The following OR51E2 variants were observed in gnomAD, a reference collection of about 807,000 sequenced individuals.
OR51E2 encodes the protein olfactory receptor 51E2.
Under a neutral mutation model 13.7 loss-of-function variants are expected in OR51E2, and 14 were observed. That is an observed-to-expected ratio of 1.02 (90% CI 0.68 to 1.60). OR51E2 has a LOEUF of 1.60. Ranked by LOEUF, OR51E2 falls within the 40% of genes most tolerant of loss-of-function variation. The probability of loss-of-function intolerance (pLI) is 0.00; values close to 1 mark genes in which losing one functional copy is unlikely to be tolerated. For missense variants in OR51E2, 483 were observed against 413.8 expected, an observed-to-expected ratio of 1.17 and a Z score of -1.45; for synonymous variants, 180 against 157.6, an observed-to-expected ratio of 1.14 and a Z score of -1.07.
intron 1 of OR51E2, among the ~76,000 whole-genome samples, chr11:4,687,129 C>T (rs1174093401): frequency 2.0e-5 from 3 of 152,104 alleles, no homozygotes; most frequent in African/African-American, 7.2e-5. Flanking sequence ...GTCTGTAGGC[C>T]TGTATCATCT....
intron 1 of OR51E2, among the ~76,000 whole-genome samples, chr11:4,694,917 A>G (rs1847637909): frequency 6.6e-6 from 1 of 152,094 alleles, no homozygotes. Flanking sequence ...TGATGGGTAA[A>G]TGTGAGTTTA....
chr11:4,694,531 C>CAT (rs570101808), intron 1 of OR51E2, among the ~76,000 whole-genome samples: 24,888 of 147,028 alleles, frequency 0.17, 2,326 homozygotes, highest in Middle Eastern at 0.24. Flanking sequence ...TACACACACA[C>CAT]ATATATACGT....
chr11:4,691,494 G>T (rs549264872), intron 1 of OR51E2: 20 of 456,438 alleles, frequency 4.4e-5, no homozygotes, highest in South Asian at 3.0e-4. Context: ...GAGGTCAGTG[G>T]CGGACAGCAT....
chr11:4,690,730 G>A (rs1237455011), intron 1 of OR51E2: 1 of 375,780 alleles, frequency 2.7e-6, no homozygotes, highest in African/African-American at 2.1e-5. Flanking sequence ...ATCTTGAGGG[G>A]TCCATCTAGT....
chr11:4,691,400 G>A, intron 1 of OR51E2: 1 of 457,862 alleles, frequency 2.2e-6, no homozygotes, highest in Non-Finnish European at 4.4e-6. Flanking sequence ...AGAACATGTG[G>A]GACAAGCAGG....
At chr11:4,690,740 T>C (rs1256664236) in intron 1 of OR51E2, 1 of 387,228 alleles carries the variant, frequency 2.6e-6, no homozygotes. Flanking sequence ...GTCCATCTAG[T>C]GCTAGAATTC....
chr11:4,693,470 C>A (rs1314203178), intron 1 of OR51E2, among the ~76,000 whole-genome samples: 1 of 152,108 alleles, frequency 6.6e-6, no homozygotes, highest in Non-Finnish European at 1.5e-5. Flanking sequence ...GCCTGTAGTC[C>A]CAGCACTTTG....
intron 1 of OR51E2, among the ~76,000 whole-genome samples, chr11:4,689,096 G>T (rs1847548648): frequency 6.6e-6 from 1 of 152,190 alleles, no homozygotes; most frequent in Admixed American, 6.5e-5. Context: ...ACATGATACT[G>T]GATGGGATGA....
intron 1 of OR51E2, among the ~76,000 whole-genome samples, chr11:4,689,877 T>C (rs1393870603): frequency 1.3e-5 from 2 of 151,882 alleles, no homozygotes; most frequent in East Asian, 3.9e-4. Context: ...ACTGAAAATT[T>C]CTAGAGGATA....
At chr11:4,695,530 A>G (rs1045530715) in intron 1 of OR51E2, among the ~76,000 whole-genome samples, 1 of 152,176 alleles carries the variant, frequency 6.6e-6, no homozygotes, top group African/African-American at 2.4e-5. Context: ...TATAAGGATA[A>G]AAATTCCTTT....
intron 1 of OR51E2, chr11:4,690,977 T>G (rs549301565): frequency 1.1e-4 from 49 of 454,626 alleles, no homozygotes; most frequent in South Asian, 7.7e-4. Context: ...GGGAGACACA[T>G]GTACTGAAGG....
Position 4,681,635 on chromosome 11 carries a change from A to G in OR51E2, c.*114T>C. ...TAGATGTACCATACTTTAGTTTACT[A>G]TTCCAGCCAGAGAAAAGTACTGATG... On this transcript the variant is annotated 3_prime_UTR_variant, in exon 2 of 2. Transcript: ENST00000396950. The G allele has an allele frequency of 8.3e-7, 1 of 1,203,876 alleles. No homozygotes were observed. Among genetic ancestry groups the G allele is most frequent in the Non-Finnish European group, 1.2e-6 (1 of 838,422 alleles). 74.6% of individuals were successfully genotyped at this position (1,203,876 alleles called of 1,614,324 possible).
intron 1 of OR51E2, among the ~76,000 whole-genome samples, chr11:4,687,122 T>G (rs1460221173): frequency 6.6e-6 from 1 of 152,204 alleles, no homozygotes; most frequent in Non-Finnish European, 1.5e-5. Flanking sequence ...AAATCTAGTC[T>G]GTAGGCCTGT....
chr11:4,691,210 G>A (rs769597787), intron 1 of OR51E2: 1 of 456,772 alleles, frequency 2.2e-6, no homozygotes, highest in South Asian at 1.5e-5. Context: ...AGTCTTATAA[G>A]AAGTGCTACC....
At chr11:4,692,710 C>T (rs2133251924) in intron 1 of OR51E2, among the ~76,000 whole-genome samples, 1 of 152,106 alleles carries the variant, frequency 6.6e-6, no homozygotes, top group African/African-American at 2.4e-5. Context: ...AGGGTAACTT[C>T]TTCAGAGGAA....
rs768248082 is a variant in OR51E2 at position 4,681,763 on chromosome 11, C to T, written c.949G>A (p.Val317Met). 2 of 1,613,924 alleles carry T rather than the reference C, an allele frequency of 1.2e-6. No individual in the cohort carries two copies. The highest frequency in any genetic ancestry group is 1.1e-5 in the South Asian group (1 of 91,080). ...KISCDKDLQA[V>M]GGK ...AGTGTTAAGGGTCACTTGCCTCCCA[C>T]AGCCTGCAAGTCCTTGTCACAGCTG... Residue 317 changes from valine (V) to methionine (M), a missense_variant, in exon 2 of 2, where the codon GTG (valine) becomes ATG (methionine). Transcript: ENST00000396950.
chr11:4,682,418 G>T lies in OR51E2; in HGVS notation c.294C>A (p.Thr98=). The T allele has an allele frequency of 6.2e-7, 1 of 1,614,192 alleles. No individual in the cohort carries two copies. The highest frequency in any genetic ancestry group is 8.5e-7 in the Non-Finnish European group (1 of 1,180,038). ...AGAGGGCATGAATAAAGAACATCTG[G>T]GTAAGACAGGCCTCAAAGCTAATCT... ...SREISFEACL[T]QMFFIHALSA... is the part of the protein sequence containing the mutation. The change falls in exon 2 of 2, where the codon ACC becomes ACA. Residue 98 remains threonine (T), a synonymous_variant. Coordinates refer to ENST00000396950, the MANE Select transcript of OR51E2 (RefSeq NM_030774.4).
In OR51E2 at chr11:4,682,215, G is replaced by A. The variant is rs1847461041; in HGVS notation, c.497C>T (p.Ala166Val). The change falls in exon 2 of 2, where the codon GCC becomes GTC. Residue 166 changes from alanine to valine, a missense_variant. Physicochemically the swap from Ala to Val is moderately conservative, Grantham distance 64. Transcript: ENST00000396950. ...CGAGAGGACATTGGAGTGGCAGAAG[G>A]CCAGCCGCTTGATCAGCAGAGGCAG... Reference protein sequence around the residue: ...FPLPLLIKRLAFCHSNVLSHS... With the variant: ...FPLPLLIKRLVFCHSNVLSHS... The A allele has an allele frequency of 6.2e-7, 1 of 1,614,212 alleles. No homozygotes were observed. Among genetic ancestry groups the A allele is most frequent in the East Asian group, 2.2e-5 (1 of 44,884 alleles).
At chr11:4,693,942 A>G (rs1214069497) in intron 1 of OR51E2, among the ~76,000 whole-genome samples, 2 of 152,116 alleles carry the variant, frequency 1.3e-5, no homozygotes, top group East Asian at 1.9e-4. Flanking sequence ...TCAATATCTC[A>G]TATACAGCGA....
Sources: allele counts gnomAD v4.1 joint callset (sites outside exome capture counted in the v4.1 genomes callset), GRCh38; gene constraint gnomAD v4.1.1; transcripts MANE v1.5; gene names NCBI Gene and HGNC (gene_info 2026-07-23, HGNC 2026-07-21).